Variants in L3MBTL3 observed in about 807,000 individuals in gnomAD.
L3MBTL3 encodes lethal(3)malignant brain tumor-like protein 3.
A neutral mutation model predicts 102.3 loss-of-function variants in L3MBTL3; 27 were observed. The observed-to-expected ratio is 0.26, with a 90% CI of 0.19 to 0.36. The LOEUF is 0.36. Ranked by LOEUF, L3MBTL3 falls within the 10% of genes least tolerant of loss-of-function variation. The pLI is 1.00. For missense variants in L3MBTL3, 798 were observed against 955.3 expected (o/e 0.84, Z 2.17); for synonymous variants, 340 against 320.9 (o/e 1.06, Z -0.64).
intron 15 of L3MBTL3, among the ~76,000 whole-genome samples, chr6:130,085,296 T>G (rs557875723): frequency 6.6e-6 from 1 of 152,288 alleles, no homozygotes; most frequent in African/African-American, 2.4e-5. Flanking sequence ...TAGCTGTTGA[T>G]TCCCCCAACC....
In L3MBTL3 at chr6:130,060,065, A is replaced by C; in HGVS notation, c.789A>C (p.Gly263=). The change falls in exon 10 of 23, where the codon GGA becomes GGC. Residue 263 remains glycine (G), a synonymous_variant. Coordinates refer to ENST00000361794, the MANE Select transcript of L3MBTL3 (RefSeq NM_032438.4). ...AATCCTTTCCATATAACAAAAATGG[A>C]TTCAAAGTTGGCATGAAATTAGAAG... The part of the protein sequence containing the change: ...EHQSFPYNKN[G]FKVGMKLEGV... 1.2e-6 allele frequency: 2 copies of C among 1,613,474 alleles called. No individual in the cohort carries two copies. Among genetic ancestry groups the C allele is most frequent in the Non-Finnish European group, 1.7e-6 (2 of 1,179,456 alleles).
At chr6:130,075,400 TC>T (rs1782886191) in intron 13 of L3MBTL3, among the ~76,000 whole-genome samples, 1 of 151,832 alleles carries the variant, frequency 6.6e-6, no homozygotes, top group South Asian at 2.1e-4. Context: ...GGAAAGCACT[TC>T]CTTGTGTTTT....
Position 130,049,765 on chromosome 6 carries a change from C to G in L3MBTL3, c.224C>G (p.Ser75Cys). 6.2e-7 allele frequency: 1 copy of G among 1,614,140 alleles called. No individual in the cohort carries two copies. The highest frequency in any genetic ancestry group is 8.5e-7 in the Non-Finnish European group (1 of 1,179,984). The stretch of plus-strand genomic sequence containing the variant: ...AAATCTACATCTCCAGCCCCGACCT[C>G]TCCCCCGAGCTCCAGGCCCGTATTT... ...MVPTAQEAPTSPPSSRPVFPP... is the reference protein window; with the variant it reads ...MVPTAQEAPTCPPSSRPVFPP... Residue 75 changes from serine to cysteine, a missense_variant, in exon 5 of 23, where the codon TCT (serine) becomes TGT (cysteine). By Grantham distance (112) the Ser-to-Cys change is moderately radical. Transcript: ENST00000361794.
intron 19 of L3MBTL3, among the ~76,000 whole-genome samples, chr6:130,111,962 A>G (rs1330122975): frequency 3.3e-5 from 5 of 152,160 alleles, no homozygotes; most frequent in Admixed American, 1.3e-4. Context: ...TTGTCTCTGC[A>G]GGCTCTTTTT....
At chr6:130,119,164 T>A (rs891110598) in intron 19 of L3MBTL3, among the ~76,000 whole-genome samples, 22 of 149,932 alleles carry the variant, frequency 1.5e-4, no homozygotes, top group African/African-American at 5.4e-4. Flanking sequence ...TCTCTCTATT[T>A]AAAAAAAAAA....
chr6:130,019,062 T>TG (rs1178908683), intron 1 of L3MBTL3, among the ~76,000 whole-genome samples: 1 of 148,524 alleles, frequency 6.7e-6, no homozygotes, highest in Non-Finnish European at 1.5e-5. Flanking sequence ...GGGAAGGGTG[T>TG]GGGGGGCCGT....
chr6:130,087,357 G>A (rs1365872583), intron 16 of L3MBTL3, among the ~76,000 whole-genome samples: 1 of 152,012 alleles, frequency 6.6e-6, no homozygotes, highest in Non-Finnish European at 1.5e-5. Flanking sequence ...AGTAATGTAA[G>A]TCATAAAGCA....
At chr6:130,047,347 G>A (rs1053422614) in intron 3 of L3MBTL3, among the ~76,000 whole-genome samples, 9 of 152,096 alleles carry the variant, frequency 5.9e-5, no homozygotes, top group Non-Finnish European at 2.9e-5. Flanking sequence ...AAGCTGACTG[G>A]GATTGAAGGT....
chr6:130,045,375 A>G (rs1377837646), intron 3 of L3MBTL3, among the ~76,000 whole-genome samples: 2 of 152,196 alleles, frequency 1.3e-5, no homozygotes, highest in African/African-American at 4.8e-5. Flanking sequence ...TTATATAAAC[A>G]GAGCACAGAC....
chr6:130,136,893 C>T (rs573472774), intron 22 of L3MBTL3, among the ~76,000 whole-genome samples: 3 of 152,348 alleles, frequency 2.0e-5, no homozygotes, highest in South Asian at 2.1e-4. Context: ...GCTGCAATTA[C>T]ACTCATGAGC....
chr6:130,024,156 AC>A (rs921704344), intron 2 of L3MBTL3, among the ~76,000 whole-genome samples: 1 of 152,126 alleles, frequency 6.6e-6, no homozygotes, highest in Non-Finnish European at 1.5e-5. Flanking sequence ...AAAATAGGTA[AC>A]TGGAGTAGTA....
intron 7 of L3MBTL3, among the ~76,000 whole-genome samples, chr6:130,053,758 A>T (rs1781263011): frequency 6.6e-6 from 1 of 152,214 alleles, no homozygotes; most frequent in Admixed American, 6.5e-5. Context: ...TCCTAAAGGC[A>T]TCTATTAATG....
At chr6:130,047,215 C>A (rs1380311150) in intron 3 of L3MBTL3, among the ~76,000 whole-genome samples, 1 of 152,056 alleles carries the variant, frequency 6.6e-6, no homozygotes, top group Admixed American at 6.6e-5. Flanking sequence ...TTAATCAACC[C>A]TCAAAGTCCA....
chr6:130,134,741 G>C (rs774330319), intron 22 of L3MBTL3, among the ~76,000 whole-genome samples: 1 of 152,160 alleles, frequency 6.6e-6, no homozygotes, highest in Non-Finnish European at 1.5e-5. Flanking sequence ...ACAGTTACAC[G>C]CATACACAAC....
At position 130,055,254 on chromosome 6, in the gene L3MBTL3, G is replaced by T. The variant is rs772918911; in HGVS notation, c.666G>T (p.Gln222His). The T allele has an allele frequency of 6.2e-7, 1 of 1,609,178 alleles. No individual in the cohort carries two copies. The highest frequency in any genetic ancestry group is 2.2e-5 in the East Asian group (1 of 44,826). ...GAGGGGATTCGGCTGTACTAAAGCA[G>T]GGTGAGCTGATGAAAATAAAGTCTT... ...KRRGDSAVLK[Q>H]GLPPKGKKAW... Residue 222 changes from glutamine to histidine, a missense_variant and splice_region_variant, in exon 8 of 23, where the codon CAG (glutamine) becomes CAT (histidine). Transcript: ENST00000361794.
chr6:130,107,728 T>A (rs1219275547), intron 19 of L3MBTL3, among the ~76,000 whole-genome samples: 3 of 152,194 alleles, frequency 2.0e-5, no homozygotes, highest in Non-Finnish European at 2.9e-5. Flanking sequence ...TTTAGTACTG[T>A]CTTAGTTATA....
Position 130,117,742 on chromosome 6 carries a change from G to A in L3MBTL3, c.1887-3137G>A, listed in dbSNP as rs560994607. ...TGAGACACAGTCTCACTTTGTCACC[G>A]AGGCTGAAGTGCAGTGGTGCAATCA... is the stretch of plus-strand genomic sequence containing the variant. On this transcript the variant is annotated intron_variant, in intron 19 of 22. Coordinates refer to ENST00000361794, the MANE Select transcript of L3MBTL3 (RefSeq NM_032438.4). Among the ~76,000 whole-genome samples the A allele has an allele frequency of 8.4e-4, 127 of 151,992 alleles. 1 individual carries two copies. In the South Asian group the frequency reaches 0.024, roughly 29 times the overall value.
At chr6:130,024,737 T>C (rs1040778200) in intron 2 of L3MBTL3, among the ~76,000 whole-genome samples, 2 of 152,152 alleles carry the variant, frequency 1.3e-5, no homozygotes, top group African/African-American at 2.4e-5. Flanking sequence ...TGAGCTCTTA[T>C]GGTGTTGAAC....
At position 130,133,766 on chromosome 6, in the gene L3MBTL3, G is replaced by T; in HGVS notation, c.2137-77G>T. The T allele has an allele frequency of 6.7e-7, 1 of 1,483,810 alleles. No individual in the cohort carries two copies. The highest frequency in any genetic ancestry group is 9.4e-7 in the Non-Finnish European group (1 of 1,064,648). 91.9% of individuals were successfully genotyped at this position (1,483,810 alleles called of 1,614,324 possible). On this transcript the variant is annotated intron_variant, in intron 21 of 22. Transcript: ENST00000361794. The surrounding 1 kb of genome is among the most constrained non-coding windows in gnomAD (Gnocchi z 4.9). ...TGAGAGAAATAACTAATGCATATGG[G>T]TTAAATGTTTTGAACCTGTAGCATT...
Sources: gnomAD v4.1 joint callset for allele counts (sites outside exome capture counted in the v4.1 genomes callset) on GRCh38, gnomAD v4.1.1 for gene constraint, Gnocchi (gnomAD v3.1) non-coding constraint, MANE v1.5 for transcripts, NCBI Gene and HGNC (gene_info 2026-07-23, HGNC 2026-07-21) for gene names.